Variants in RORB observed in about 807,000 individuals in gnomAD.
RORB encodes the protein nuclear receptor ROR-beta.
RORB carries 6 observed loss-of-function variants against 59.1 expected under a neutral mutation model. The ratio of observed to expected loss-of-function variants is 0.10; its 90% CI spans 0.06 to 0.20. RORB has a LOEUF of 0.20. RORB is among the 10% of genes least tolerant of loss of function. RORB has a pLI of 1.00. For missense variants in RORB, 320 were observed against 560.5 expected, an observed-to-expected ratio of 0.57 and a Z score of 4.33; for synonymous variants, 215 against 204.5, an observed-to-expected ratio of 1.05 and a Z score of -0.44.
chr9:74,663,540 T>C (rs909077694), intron 6 of RORB, among the ~76,000 whole-genome samples: 3 of 152,222 alleles, frequency 2.0e-5, no homozygotes, highest in Non-Finnish European at 4.4e-5. Context: ...AAGTGTCAAC[T>C]TGATGTACCA....
chr9:74,683,209 G>A (rs1245259442), intron 9 of RORB, among the ~76,000 whole-genome samples: 1 of 152,146 alleles, frequency 6.6e-6, no homozygotes, highest in East Asian at 1.9e-4. Context: ...AGCGTTCAAA[G>A]CCACTCTGCA....
At chr9:74,666,856 A>C (rs1350234790) in intron 7 of RORB, among the ~76,000 whole-genome samples, 1 of 152,238 alleles carries the variant, frequency 6.6e-6, no homozygotes, top group African/African-American at 2.4e-5. Flanking sequence ...CATGGTAGGA[A>C]GAACATTAGC....
At chr9:74,667,940 T>G (rs1406683921) in intron 8 of RORB, 39 bp downstream of exon 8, 2 of 1,334,522 alleles carry the variant, frequency 1.5e-6, no homozygotes, top group African/African-American at 2.9e-5. Flanking sequence ...TTAAAAAACT[T>G]GTTTTACTAT....
intron 3 of RORB, among the ~76,000 whole-genome samples, chr9:74,638,036 A>G (rs1294134984): frequency 6.6e-6 from 1 of 152,194 alleles, no homozygotes; most frequent in Non-Finnish European, 1.5e-5. Flanking sequence ...CAAAGCCTAC[A>G]GCACTAAAAA....
chr9:74,681,305 G>A (rs969295723), intron 9 of RORB, among the ~76,000 whole-genome samples: 2 of 152,168 alleles, frequency 1.3e-5, no homozygotes, highest in African/African-American at 4.8e-5. Flanking sequence ...GTGATTGCCT[G>A]CTGCTCTCTA....
At chr9:74,553,933 T>A (rs1826651174) in intron 1 of RORB, among the ~76,000 whole-genome samples, 1 of 152,180 alleles carries the variant, frequency 6.6e-6, no homozygotes, top group Non-Finnish European at 1.5e-5. Context: ...TTGGAAATCA[T>A]CTAATTCAAC....
intron 1 of RORB, among the ~76,000 whole-genome samples, chr9:74,621,496 G>A (rs1823417973): frequency 6.6e-6 from 1 of 152,168 alleles, no homozygotes; most frequent in Non-Finnish European, 1.5e-5. Flanking sequence ...CCTGTTGAAG[G>A]ACATCTTAAT....
intron 1 of RORB, among the ~76,000 whole-genome samples, chr9:74,570,729 A>ATG (rs1822538332): frequency 8.4e-6 from 1 of 118,646 alleles, no homozygotes; most frequent in South Asian, 2.9e-4. Context: ...GTGTGCACAC[A>ATG]CGTGTGTGTG....
intron 1 of RORB, among the ~76,000 whole-genome samples, chr9:74,617,220 A>G (rs1458207991): frequency 1.3e-5 from 2 of 152,194 alleles, no homozygotes; most frequent in Non-Finnish European, 2.9e-5. Flanking sequence ...CGTATAAGAA[A>G]CACAGCTAAC....
chr9:74,498,308 G>A lies in RORB; in HGVS notation c.7+325G>A, dbSNP rs1308366860. On this transcript the variant is annotated intron_variant, in intron 1 of 9. Coordinates refer to ENST00000376896, the MANE Select transcript of RORB (RefSeq NM_006914.4). ...CGGGTGCGGAAGCGGACGCGGGATG[G>A]AGAAAGCCGAAAGAGGGATGCCTCT... 7.3e-6 allele frequency: 3 copies of A among 408,714 alleles called. No individual in the cohort carries two copies. In the Admixed American group the frequency reaches 1.1e-4, roughly 15 times the overall value. 25.3% of individuals were successfully genotyped at this position (408,714 alleles called of 1,614,324 possible). A position where few individuals can be genotyped will look rare whatever the true frequency, so the allele number is the denominator to read the frequency against.
At position 74,692,673 on chromosome 9, in the gene RORB, G is replaced by A. The variant is rs966832408; in HGVS notation, c.*7055G>A. ...AAAATAAAAATATTCACTCTAAAAAGAATAATAATTCTACTTTTTTAAAAG... is the reference window on the plus strand; with the variant it reads ...AAAATAAAAATATTCACTCTAAAAAAAATAATAATTCTACTTTTTTAAAAG... On this transcript the variant is annotated 3_prime_UTR_variant, in exon 10 of 10. Transcript: ENST00000376896. 1 of 152,052 alleles carries A rather than the reference G, an allele frequency of 6.6e-6. No individual in the cohort carries two copies. The highest frequency in any genetic ancestry group is 1.5e-5 in the Non-Finnish European group (1 of 67,994). 9.4% of individuals were successfully genotyped at this position (152,052 alleles called of 1,614,324 possible). A position where few individuals can be genotyped will look rare whatever the true frequency, so the allele number is the denominator to read the frequency against.
rs1038519046 is a variant in RORB, at chr9:74,629,698, T to C, written c.8-584T>C. On this transcript the variant is annotated intron_variant, in intron 1 of 9. Transcript: ENST00000376896. The stretch of plus-strand genomic sequence containing the variant: ...AATTAGATTATTAGCATCATTAGCA[T>C]ATGTTATCCTCCATCAATATCCTTT... 7.9e-5 allele frequency among the ~76,000 whole-genome samples: 12 copies of C among 152,342 alleles called. No homozygotes were observed. The South Asian group carries it at 2.5e-3, about 32-fold the overall frequency.
intron 1 of RORB, among the ~76,000 whole-genome samples, chr9:74,563,328 G>A (rs1822426708): frequency 6.6e-6 from 1 of 151,952 alleles, no homozygotes; most frequent in African/African-American, 2.4e-5. Flanking sequence ...TAGGACTACA[G>A]GCACCTGCCA....
chr9:74,563,376 G>A (rs1267061144), intron 1 of RORB, among the ~76,000 whole-genome samples: 1 of 151,848 alleles, frequency 6.6e-6, no homozygotes, highest in African/African-American at 2.4e-5. Flanking sequence ...AGAAGAGATG[G>A]GGTTTCACCA....
At chr9:74,545,099 GTTTTT>G (rs113301176) in intron 1 of RORB, among the ~76,000 whole-genome samples, 1 of 143,822 alleles carries the variant, frequency 7.0e-6, no homozygotes, top group Non-Finnish European at 1.5e-5. Flanking sequence ...CTGCGAGCAG[GTTTTT>G]TTTTTTTTGC....
chr9:74,585,237 A>T, intron 1 of RORB, among the ~76,000 whole-genome samples: 1 of 152,240 alleles, frequency 6.6e-6, no homozygotes, highest in East Asian at 1.9e-4. Context: ...ACGACTCAGG[A>T]TGGGTCTGAA....
At chr9:74,630,211 G>T in intron 1 of RORB, 71 bp from the exon 2 acceptor site, 1 of 1,574,222 alleles carries the variant, frequency 6.4e-7, no homozygotes, top group South Asian at 1.2e-5. Context: ...GATAGATGGG[G>T]AGAGAGATAG....
chr9:74,545,781 T>C (rs1826476846), intron 1 of RORB, among the ~76,000 whole-genome samples: 1 of 150,756 alleles, frequency 6.6e-6, no homozygotes, highest in Admixed American at 6.6e-5. Flanking sequence ...GAAATCACAA[T>C]TGAGTAACTC....
chr9:74,651,534 C>CAAAAAAAA (rs11288734), intron 4 of RORB, among the ~76,000 whole-genome samples: 1 of 140,860 alleles, frequency 7.1e-6, no homozygotes, highest in African/African-American at 2.6e-5. Flanking sequence ...GACTCTGTCT[C>CAAAAAAAA]AAAAAAAAAA....
Sources: gnomAD v4.1 joint callset for allele counts (sites outside exome capture counted in the v4.1 genomes callset) on GRCh38, gnomAD v4.1.1 for gene constraint, MANE v1.5 for transcripts, NCBI Gene and HGNC (gene_info 2026-07-23, HGNC 2026-07-21) for gene names.